Variants in MTMR3 observed in about 807,000 individuals in gnomAD.
MTMR3 encodes phosphatidylinositol-3,5-bisphosphate 3-phosphatase MTMR3.
MTMR3 carries 32 observed loss-of-function variants against 132.4 expected under a neutral mutation model. The observed-to-expected ratio is 0.24, with a 90% CI of 0.18 to 0.32. MTMR3 has a LOEUF of 0.32. MTMR3 is among the 10% of genes least tolerant of loss of function. The probability of loss-of-function intolerance (pLI) is 1.00; values close to 1 mark genes in which losing one functional copy is unlikely to be tolerated. For missense variants in MTMR3, 1,216 were observed against 1,489.6 expected (o/e 0.82, Z 3.02); for synonymous variants, 556 against 550.3 (o/e 1.01, Z -0.14).
At chr22:29,993,208 A>G (rs1937674080) in intron 7 of MTMR3, 1 of 152,232 alleles carries the variant, frequency 6.6e-6, no homozygotes, top group African/African-American at 2.4e-5. Context: ...TTGGAAGTTT[A>G]TGAGAATGTG....
At chr22:30,004,464 A>C (rs2067235332) in intron 9 of MTMR3, 1 of 152,152 alleles carries the variant, frequency 6.6e-6, no homozygotes, top group Non-Finnish European at 1.5e-5. Flanking sequence ...TTGAAGAAAA[A>C]CTTCCTTTTT....
At chr22:29,952,542 G>C (rs1426935189) in intron 1 of MTMR3, among the ~76,000 whole-genome samples, 1 of 152,070 alleles carries the variant, frequency 6.6e-6, no homozygotes, top group African/African-American at 2.4e-5. Context: ...TAGGAGCGTT[G>C]AGCCCTGTGA....
intron 1 of MTMR3, among the ~76,000 whole-genome samples, chr22:29,886,323 T>A (rs1190946348): frequency 6.6e-6 from 1 of 152,250 alleles, no homozygotes; most frequent in Non-Finnish European, 1.5e-5. Flanking sequence ...TTCTAAAGAC[T>A]GTCATGAACA....
intron 1 of MTMR3, among the ~76,000 whole-genome samples, chr22:29,956,615 G>C (rs2066196850): frequency 6.6e-6 from 1 of 152,152 alleles, no homozygotes; most frequent in African/African-American, 2.4e-5. Context: ...TCCCTTGATA[G>C]AAGCCAATTA....
intron 14 of MTMR3, 61 bp from the exon 15 acceptor site, chr22:30,016,467 G>A (rs2067595028): frequency 6.4e-7 from 1 of 1,566,452 alleles, no homozygotes; most frequent in Non-Finnish European, 8.7e-7. Flanking sequence ...GCTCAGCTGA[G>A]CTGACTTATC....
chr22:29,937,368 C>G (rs572572613), intron 1 of MTMR3, among the ~76,000 whole-genome samples: 1 of 151,418 alleles, frequency 6.6e-6, no homozygotes, highest in African/African-American at 2.4e-5. Context: ...GCTATTTGTT[C>G]TATTCCTTTT....
chr22:29,954,213 C>G (rs1034479707), intron 1 of MTMR3, among the ~76,000 whole-genome samples: 1 of 151,684 alleles, frequency 6.6e-6, no homozygotes, highest in Non-Finnish European at 1.5e-5. Flanking sequence ...TCCCGAGTAC[C>G]TGGGACTACA....
chr22:29,942,369 C>T (rs2065872895), intron 1 of MTMR3, among the ~76,000 whole-genome samples: 2 of 152,102 alleles, frequency 1.3e-5, no homozygotes, highest in South Asian at 4.2e-4. Context: ...TATCACAAGG[C>T]AAATGGAGGC....
intron 5 of MTMR3, chr22:29,983,618 T>C (rs1446998803): frequency 6.6e-6 from 1 of 152,058 alleles, no homozygotes; most frequent in African/African-American, 2.4e-5. Flanking sequence ...CCAGTGACAG[T>C]CTTCTGCTGA....
chr22:29,899,339 C>T (rs1243336276), intron 1 of MTMR3, among the ~76,000 whole-genome samples: 1 of 152,122 alleles, frequency 6.6e-6, no homozygotes, highest in African/African-American at 2.4e-5. Flanking sequence ...AGACGTGAGC[C>T]ATTGTGCCCA....
chr22:29,899,830 G>A (rs1363183581), intron 1 of MTMR3: 1 of 152,164 alleles, frequency 6.6e-6, no homozygotes, highest in Non-Finnish European at 1.5e-5. Context: ...TCTGGATCTT[G>A]ATTTCATGGT....
chr22:29,991,149 A>G (rs1027264170), intron 6 of MTMR3: 63 of 158,950 alleles, frequency 4.0e-4, no homozygotes, highest in African/African-American at 1.4e-3. Context: ...CATATTTTTT[A>G]TGAGGGACAA....
chr22:30,020,641 G>A lies in MTMR3; in HGVS notation c.2982G>A (p.Leu994=), dbSNP rs768403447. 1.2e-5 allele frequency: 19 copies of A among 1,614,048 alleles called. No homozygotes were observed. In the African/African-American group the frequency reaches 2.4e-4, roughly 20 times the overall value. The change falls in exon 17 of 20, where the codon CTG becomes CTA. Residue 994 remains leucine (L), a synonymous_variant. Coordinates refer to ENST00000401950, the MANE Select transcript of MTMR3 (RefSeq NM_021090.4). ...CAAGGAACTTGCACCACAAGTGGCT[G>A]CATAGCCACTCAGGAAGGCCATCTG... ...LHSRNLHHKW[L]HSHSGRPSAT...
At chr22:29,900,378 G>A (rs1371535495) in intron 1 of MTMR3, among the ~76,000 whole-genome samples, 4 of 152,076 alleles carry the variant, frequency 2.6e-5, no homozygotes, top group Non-Finnish European at 5.9e-5. Context: ...TGAAATTCAC[G>A]TAAAATAATA....
At chr22:29,984,303 C>G (rs916554774) in intron 5 of MTMR3, 2 of 152,180 alleles carry the variant, frequency 1.3e-5, no homozygotes, top group Non-Finnish European at 2.9e-5. Flanking sequence ...TTATCCCACT[C>G]TAGATTCTGG....
At chr22:29,984,000 G>A (rs2066807280) in intron 5 of MTMR3, 1 of 150,754 alleles carries the variant, frequency 6.6e-6, no homozygotes, top group African/African-American at 2.4e-5. Context: ...TTATGTTATT[G>A]TAGTGACAGG....
chr22:29,995,848 G>A (rs574691652), intron 7 of MTMR3: 1 of 152,302 alleles, frequency 6.6e-6, no homozygotes, highest in African/African-American at 2.4e-5. Flanking sequence ...AAAGCTGGTT[G>A]AATTCCTGAT....
intron 1 of MTMR3, among the ~76,000 whole-genome samples, chr22:29,923,620 C>G (rs925821075): frequency 6.6e-6 from 1 of 152,184 alleles, no homozygotes; most frequent in Non-Finnish European, 1.5e-5. Flanking sequence ...ATATCACACT[C>G]TGGGTGGCTT....
intron 12 of MTMR3, chr22:30,010,869 C>T (rs1266741201): frequency 2.0e-5 from 3 of 152,116 alleles, no homozygotes; most frequent in Admixed American, 6.5e-5. Context: ...GAAAGTCTTA[C>T]GATTGGATTT....
Sources: allele counts gnomAD v4.1 joint callset (sites outside exome capture counted in the v4.1 genomes callset), GRCh38; gene constraint gnomAD v4.1.1; transcripts MANE v1.5; gene names NCBI Gene and HGNC (gene_info 2026-07-23, HGNC 2026-07-21).